The following ATP2B4 variants were observed in gnomAD, a reference collection of about 807,000 sequenced individuals.
The protein encoded by ATP2B4 is plasma membrane calcium-transporting ATPase 4.
ATP2B4 carries 39 observed loss-of-function variants against 110.3 expected under a neutral mutation model. The observed-to-expected ratio is 0.35, with a 90% CI of 0.27 to 0.46. The LOEUF is 0.46. Ranked by LOEUF, ATP2B4 falls within the 20% of genes least tolerant of loss-of-function variation. The pLI is 1.00. For synonymous variants in ATP2B4, 538 were observed against 571.7 expected (o/e 0.94, Z 0.84); for missense variants, 1,135 against 1,530.9 (o/e 0.74, Z 4.32).
At chr1:203,665,347 C>T (rs569648362) in intron 1 of ATP2B4, among the ~76,000 whole-genome samples, 1 of 152,354 alleles carries the variant, frequency 6.6e-6, no homozygotes, top group Non-Finnish European at 1.5e-5. Flanking sequence ...CTCTCTCCTG[C>T]AGCAGCTTGA....
chr1:203,645,694 G>A (rs1663777458), intron 1 of ATP2B4, among the ~76,000 whole-genome samples: 1 of 151,046 alleles, frequency 6.6e-6, no homozygotes, highest in South Asian at 2.1e-4. Flanking sequence ...GGGTTCAAGC[G>A]ATTCTCCTGC....
At chr1:203,680,226 T>TG (rs1664962055) in intron 1 of ATP2B4, among the ~76,000 whole-genome samples, 1 of 151,972 alleles carries the variant, frequency 6.6e-6, no homozygotes, top group Non-Finnish European at 1.5e-5. Context: ...TTTGGTGGGG[T>TG]GGGGGTTCCC....
chr1:203,667,827 G>A (rs970381757), intron 1 of ATP2B4, among the ~76,000 whole-genome samples: 2 of 152,162 alleles, frequency 1.3e-5, no homozygotes, highest in African/African-American at 4.8e-5. Context: ...ACAGAGAGAG[G>A]GCCCAGTGAC....
intron 1 of ATP2B4, among the ~76,000 whole-genome samples, chr1:203,645,736 G>C (rs886789988): frequency 2.0e-5 from 3 of 151,830 alleles, no homozygotes; most frequent in Non-Finnish European, 4.4e-5. Context: ...AATTACAAGT[G>C]CCTGCCACTG....
intron 1 of ATP2B4, among the ~76,000 whole-genome samples, chr1:203,651,887 G>A (rs979017816): frequency 6.6e-6 from 1 of 151,106 alleles, no homozygotes; most frequent in Non-Finnish European, 1.5e-5. Context: ...GTGAAACCCC[G>A]TCTCTACTAA....
chr1:203,672,894 G>A (rs1164280417), intron 1 of ATP2B4, among the ~76,000 whole-genome samples: 1 of 152,160 alleles, frequency 6.6e-6, no homozygotes, highest in Non-Finnish European at 1.5e-5. Flanking sequence ...GGCTTCTGTT[G>A]TAGCCTGTTG....
intron 1 of ATP2B4, among the ~76,000 whole-genome samples, chr1:203,665,799 CAA>C (rs11371841): frequency 1.5e-5 from 2 of 132,680 alleles, no homozygotes; most frequent in African/African-American, 2.8e-5. Context: ...GACTCCATCT[CAA>C]AAAAAAAAAA....
At position 203,714,123 on chromosome 1, in the gene ATP2B4, G is replaced by A. The variant is rs150792461; in HGVS notation, c.2300-48G>A. Reference sequence around the variant, plus strand: ...GAGTGGCGGGTGGTAGGAACTGAAGGGTGGGGGAGACCAGAAAAGCTCACT... The same window carrying A: ...GAGTGGCGGGTGGTAGGAACTGAAGAGTGGGGGAGACCAGAAAAGCTCACT... On this transcript the variant is annotated intron_variant, in intron 14 of 20. Coordinates refer to ENST00000357681, the MANE Select transcript of ATP2B4 (RefSeq NM_001684.5). The A allele has an allele frequency of 5.3e-4, 815 of 1,552,160 alleles. 3 individuals are homozygous for A. In the African/African-American group the frequency reaches 9.7e-3, roughly 18 times the overall value.
chr1:203,722,212 G>A (rs1477198379), intron 17 of ATP2B4, among the ~76,000 whole-genome samples: 3 of 152,162 alleles, frequency 2.0e-5, no homozygotes, highest in Non-Finnish European at 2.9e-5. Context: ...GTGCACGCCT[G>A]TAGTCCCAGC....
chr1:203,666,207 T>G (rs1031168840), intron 1 of ATP2B4, among the ~76,000 whole-genome samples: 6 of 152,220 alleles, frequency 3.9e-5, no homozygotes, highest in African/African-American at 1.4e-4. Flanking sequence ...CCAAGGGGAT[T>G]CTCATAAGCC....
chr1:203,704,463 C>T (rs959844698), intron 8 of ATP2B4, among the ~76,000 whole-genome samples: 1 of 126,296 alleles, frequency 7.9e-6, no homozygotes, highest in African/African-American at 3.2e-5. Flanking sequence ...TCTCAAGGAA[C>T]AGTCTTTTTT....
chr1:203,633,012 G>A (rs575282862), intron 1 of ATP2B4, among the ~76,000 whole-genome samples: 1 of 152,198 alleles, frequency 6.6e-6, no homozygotes, highest in East Asian at 1.9e-4. Flanking sequence ...AACTTCCCAC[G>A]GGGGAGGTTG....
At chr1:203,683,818 T>A (rs4951371) in intron 2 of ATP2B4, among the ~76,000 whole-genome samples, 1 of 151,550 alleles carries the variant, frequency 6.6e-6, no homozygotes, top group Non-Finnish European at 1.5e-5. Flanking sequence ...GGACCACAGG[T>A]GTGTGCCATC....
Position 203,699,620 on chromosome 1 carries a change from T to G in ATP2B4, c.552T>G (p.Ile184Met). Reference protein sequence around the residue: ...EKQFRGLQCRIEQEQKFSIIR... With the variant: ...EKQFRGLQCRMEQEQKFSIIR... ...AATTCCGGGGGCTGCAGTGCCGCAT[T>G]GAACAGGAGCAAAAGTTCTCCATCA... The change falls in exon 4 of 21, where the codon ATT (isoleucine) becomes ATG (methionine). Residue 184 changes from isoleucine (I) to methionine (M), a missense_variant. Physicochemically the swap from Ile to Met is conservative, Grantham distance 10. Transcript: ENST00000357681. 1 of 1,614,160 alleles carries G rather than the reference T, an allele frequency of 6.2e-7. No individual in the cohort carries two copies. Among genetic ancestry groups the G allele is most frequent in the Non-Finnish European group, 8.5e-7 (1 of 1,180,036 alleles).
intron 10 of ATP2B4, 106 bp downstream of exon 10, chr1:203,708,210 C>T: frequency 6.8e-7 from 1 of 1,475,952 alleles, no homozygotes; most frequent in South Asian, 1.3e-5. Context: ...AATTGCCATC[C>T]CACATCCCAT....
At chr1:203,704,681 A>G (rs1389910931) in intron 8 of ATP2B4, among the ~76,000 whole-genome samples, 1 of 151,690 alleles carries the variant, frequency 6.6e-6, no homozygotes, top group Non-Finnish European at 1.5e-5. Context: ...GGGTTTCACC[A>G]TGTTGGCCAG....
rs756184004 is a variant in ATP2B4, at chr1:203,725,904, C to CTTTTTTTTTTTTTTT, written c.3133-1483_3133-1469dup. Among the ~76,000 whole-genome samples, 23 of 93,364 alleles carry CTTTTTTTTTTTTTTT rather than the reference C, an allele frequency of 2.5e-4. 1 individual carries two copies. The highest frequency in any genetic ancestry group is 3.7e-4 in the Non-Finnish European group (19 of 51,014). The allele number at this position is 93,364 out of a possible 152,430, so 61.3% of individuals were successfully genotyped here. ...ATTTCTTTTTCTTTTCTTTTCTTTT[C>CTTTTTTTTTTTTTTT]TTTTTTTTTTTTTTTTTTTTTTAAG... On this transcript the variant is annotated intron_variant, in intron 19 of 20. Coordinates refer to ENST00000357681, the MANE Select transcript of ATP2B4 (RefSeq NM_001684.5).
At chr1:203,643,613 C>T (rs1196254756) in intron 1 of ATP2B4, among the ~76,000 whole-genome samples, 1 of 152,218 alleles carries the variant, frequency 6.6e-6, no homozygotes, top group African/African-American at 2.4e-5. Flanking sequence ...GCAGTTCTTG[C>T]TCCTGCTTCC....
At chr1:203,696,183 T>C (rs1665528486) in intron 2 of ATP2B4, among the ~76,000 whole-genome samples, 1 of 152,174 alleles carries the variant, frequency 6.6e-6, no homozygotes, top group Admixed American at 6.5e-5. Context: ...CACCTTGGCC[T>C]CCCAAAGTGC....
Sources: gnomAD v4.1 joint callset for allele counts (sites outside exome capture counted in the v4.1 genomes callset) on GRCh38, gnomAD v4.1.1 for gene constraint, MANE v1.5 for transcripts, NCBI Gene and HGNC (gene_info 2026-07-23, HGNC 2026-07-21) for gene names.